SLC25A13: variants seen among roughly 807,000 people sequenced by gnomAD.
SLC25A13 encodes electrogenic aspartate/glutamate antiporter SLC25A13, mitochondrial.
A neutral mutation model predicts 85.5 loss-of-function variants in SLC25A13; 70 were observed. The ratio of observed to expected loss-of-function variants is 0.82; its 90% CI spans 0.68 to 1.00. The LOEUF (loss-of-function observed/expected upper bound fraction) is 1.00, where lower values mean the gene tolerates loss of function less well. SLC25A13 is among the 50% of genes least tolerant of loss of function. The pLI, the probability that SLC25A13 is intolerant of heterozygous loss-of-function variation, is 0.00. For synonymous variants in SLC25A13, 259 were observed against 288.7 expected, an observed-to-expected ratio of 0.90 and a Z score of 1.04; for missense variants, 765 against 819.8, an observed-to-expected ratio of 0.93 and a Z score of 0.82.
chr7:96,262,332 A>T lies in SLC25A13; in HGVS notation c.212+14864T>A, dbSNP rs577599149. ...ACCAAACAAAGAAAGAGGAAAGAAC[A>T]GTATTTGCTCTTTCAGGCATTCACT... is the stretch of plus-strand genomic sequence containing the variant. On this transcript the variant is annotated intron_variant, in intron 3 of 17. Transcript: ENST00000265631. 2.0e-4 allele frequency among the ~76,000 whole-genome samples: 31 copies of T among 152,352 alleles called. No individual in the cohort carries two copies. In the South Asian group the frequency reaches 6.2e-3, roughly 31 times the overall value.
intron 9 of SLC25A13, among the ~76,000 whole-genome samples, chr7:96,188,745 T>C (rs763416342): frequency 1.1e-4 from 16 of 152,252 alleles, no homozygotes; most frequent in African/African-American, 1.7e-4. Context: ...AAATTTAGCA[T>C]TCCTAAAATT....
chr7:96,187,789 T>C (rs1338309330), intron 9 of SLC25A13, among the ~76,000 whole-genome samples: 2 of 152,212 alleles, frequency 1.3e-5, no homozygotes, highest in Non-Finnish European at 2.9e-5. Context: ...TGCTGCACAG[T>C]GCTGGACAGG....
intron 5 of SLC25A13, among the ~76,000 whole-genome samples, chr7:96,204,785 A>G (rs1795396719): frequency 6.6e-6 from 1 of 152,152 alleles, no homozygotes; most frequent in Non-Finnish European, 1.5e-5. Flanking sequence ...CACCTTTCAA[A>G]CCTTTGCAAA....
chr7:96,228,311 A>AG (rs1796393548), intron 4 of SLC25A13, among the ~76,000 whole-genome samples: 1 of 152,250 alleles, frequency 6.6e-6, no homozygotes. Context: ...GAAACATATA[A>AG]CCCTCAGAGG....
chr7:96,296,457 C>A (rs1799351190), intron 2 of SLC25A13, among the ~76,000 whole-genome samples: 1 of 151,996 alleles, frequency 6.6e-6, no homozygotes, highest in African/African-American at 2.4e-5. Flanking sequence ...TAAGGCTCTC[C>A]CCTCTTAAGA....
At chr7:96,166,695 A>T (rs1294650274) in intron 13 of SLC25A13, among the ~76,000 whole-genome samples, 1 of 152,178 alleles carries the variant, frequency 6.6e-6, no homozygotes, top group Admixed American at 6.5e-5. Context: ...TTTTTCTTAA[A>T]GTAACAGCAA....
At chr7:96,321,170 G>T (rs970691181) in intron 1 of SLC25A13, among the ~76,000 whole-genome samples, 3 of 152,240 alleles carry the variant, frequency 2.0e-5, no homozygotes, top group Admixed American at 6.5e-5. Context: ...AAGGTCAAGT[G>T]TTGGAGTTGC....
chr7:96,291,308 A>C (rs1799109807), intron 2 of SLC25A13, among the ~76,000 whole-genome samples: 1 of 152,214 alleles, frequency 6.6e-6, no homozygotes, highest in Admixed American at 6.5e-5. Flanking sequence ...ATAGCACTAA[A>C]TGCCCACAAG....
intron 3 of SLC25A13, among the ~76,000 whole-genome samples, chr7:96,262,696 G>A (rs569270322): frequency 7.2e-5 from 11 of 152,256 alleles, no homozygotes; most frequent in Admixed American, 3.9e-4. Context: ...TCTAAGCAAA[G>A]ACATAAGCAA....
rs1042328390 is a variant in SLC25A13 at position 96,131,636 on chromosome 7, C to A, written c.1591+107G>T. 1.8e-5 allele frequency: 26 copies of A among 1,433,938 alleles called. 1 individual carries two copies. The East Asian group carries it at 2.1e-4, about 11-fold the overall frequency. The allele number at this position is 1,433,938 out of a possible 1,614,324, so 88.8% of individuals were successfully genotyped here. On this transcript the variant is annotated intron_variant, in intron 15 of 17. Transcript: ENST00000265631. ...TCAATCTCTAGCAAACTCACACATA[C>A]CCTGTCAAGAACTATCAGCAAAAAA...
intron 11 of SLC25A13, among the ~76,000 whole-genome samples, chr7:96,181,463 C>G (rs1423043336): frequency 2.0e-5 from 3 of 152,204 alleles, no homozygotes; most frequent in African/African-American, 7.2e-5. Context: ...ATTCTAATGC[C>G]ACAGGGAAAG....
intron 2 of SLC25A13, among the ~76,000 whole-genome samples, chr7:96,293,648 A>G (rs1799217610): frequency 6.6e-6 from 1 of 152,252 alleles, no homozygotes. Context: ...TCAAAAGAAG[A>G]CATTTATGCA....
At chr7:96,211,059 T>A (rs1402567208) in intron 4 of SLC25A13, among the ~76,000 whole-genome samples, 1 of 152,200 alleles carries the variant, frequency 6.6e-6, no homozygotes, top group African/African-American at 2.4e-5. Context: ...TATTATCCAT[T>A]TTTATATTTA....
At chr7:96,140,215 C>CCCAAAGTG (rs1203122986) in intron 14 of SLC25A13, among the ~76,000 whole-genome samples, 2 of 151,428 alleles carry the variant, frequency 1.3e-5, no homozygotes, top group African/African-American at 2.4e-5. Flanking sequence ...GCCTCGGCCT[C>CCCAAAGTG]CCAAAGTGCT....
In SLC25A13 at chr7:96,121,957, G is replaced by C. The variant is rs544174452; in HGVS notation, c.1632C>G (p.Ile544Met). The C allele has an allele frequency of 1.9e-6, 3 of 1,614,138 alleles. No homozygotes were observed. In the East Asian group the frequency reaches 6.7e-5, roughly 36 times the overall value. ...GGGCAGCCACCTGTAATCTCGTCTTGATAACATCAGCAGGGGTCACTAAAG... is the reference window on the plus strand; with the variant it reads ...GGGCAGCCACCTGTAATCTCGTCTTCATAACATCAGCAGGGGTCACTAAAG... ...AASLVTPADV[I>M]KTRLQVAARA... The change falls in exon 16 of 18, where the codon ATC (isoleucine) becomes ATG (methionine). Residue 544 changes from isoleucine to methionine, a missense_variant. Transcript: ENST00000265631.
rs6621156 is a variant in SLC25A13 at position 96,258,422 on chromosome 7, T to C, written c.212+18774A>G. Among the ~76,000 whole-genome samples the C allele has an allele frequency of 9.1e-4, 138 of 151,640 alleles. No individual in the cohort carries two copies. The East Asian group carries it at 0.024, about 27-fold the overall frequency. ...AATCACAAACATGCCTATACACCAA[T>C]AAAAGACAGAGAGCCAGATCATGAG... On this transcript the variant is annotated intron_variant, in intron 3 of 17. Coordinates refer to ENST00000265631, the MANE Select transcript of SLC25A13 (RefSeq NM_014251.3).
chr7:96,168,141 C>T (rs1793847842), intron 13 of SLC25A13, among the ~76,000 whole-genome samples: 1 of 106,738 alleles, frequency 9.4e-6, no homozygotes, highest in Admixed American at 1.1e-4. Context: ...CACGTGTGCA[C>T]ACACACAAAC....
In SLC25A13 at chr7:96,120,411, C is replaced by A. The variant is rs368958557; in HGVS notation, c.*780G>T. On this transcript the variant is annotated 3_prime_UTR_variant, in exon 18 of 18. Transcript: ENST00000265631. ...AATAGGGCAGGCAGCAACAGGGCAA[C>A]ATGCATTTTTCAAGAGTGTTTATTA... The A allele has an allele frequency of 7.7e-5, 35 of 454,048 alleles. No individual in the cohort carries two copies. Among genetic ancestry groups the A allele is most frequent in the East Asian group, 4.9e-4 (7 of 14,400 alleles). 28.1% of individuals were successfully genotyped at this position (454,048 alleles called of 1,614,324 possible).
chr7:96,200,187 A>T (rs1795201469), intron 5 of SLC25A13, among the ~76,000 whole-genome samples: 1 of 152,222 alleles, frequency 6.6e-6, no homozygotes. Context: ...AGAGTTAATA[A>T]GGAAATGATT....
Sources: allele counts gnomAD v4.1 joint callset (sites outside exome capture counted in the v4.1 genomes callset), GRCh38; gene constraint gnomAD v4.1.1; transcripts MANE v1.5; gene names NCBI Gene and HGNC (gene_info 2026-07-23, HGNC 2026-07-21).